PLEKHH2: variants seen among roughly 807,000 people sequenced by gnomAD.
PLEKHH2 encodes pleckstrin homology domain-containing family H member 2.
In PLEKHH2, 129 loss-of-function variants were observed where a neutral mutation model predicts 187.9. That is an observed-to-expected ratio of 0.69 (90% CI 0.59 to 0.79). The LOEUF is 0.79. PLEKHH2 is among the 30% of genes least tolerant of loss of function. The pLI is 0.00. For missense variants in PLEKHH2, 2,076 were observed against 1,751.2 expected (o/e 1.19, Z -3.31); for synonymous variants, 686 against 605.6 (o/e 1.13, Z -1.95).
chr2:43,717,714 G>C (rs982613505), intron 15 of PLEKHH2, among the ~76,000 whole-genome samples: 2 of 152,194 alleles, frequency 1.3e-5, no homozygotes, highest in Non-Finnish European at 2.9e-5. Context: ...ACAAGTCCTG[G>C]CTCTGCCACT....
In PLEKHH2 at chr2:43,765,586, C is replaced by G; in HGVS notation, c.4470C>G (p.Pro1490=). Residue 1490 remains proline (P), a synonymous_variant, in exon 30 of 30, where the codon CCC becomes CCG. Transcript: ENST00000282406. ...CAAGCAGCAGACCGACCAAAGGCCC[C>G]ACCTTACTCTGAAAGCTGGGGAGCC... ...LLSSSRPTKG[P]TLL 3 of 1,613,274 alleles carry G rather than the reference C, an allele frequency of 1.9e-6. No homozygotes were observed. In the South Asian group the frequency reaches 3.3e-5, roughly 18 times the overall value.
chr2:43,722,743 T>C (rs1670542883), intron 16 of PLEKHH2, among the ~76,000 whole-genome samples: 1 of 152,206 alleles, frequency 6.6e-6, no homozygotes, highest in African/African-American at 2.4e-5. Context: ...TTCTTTCTTT[T>C]TAAAATCCTT....
intron 24 of PLEKHH2, among the ~76,000 whole-genome samples, chr2:43,747,321 G>C (rs949436635): frequency 6.6e-6 from 1 of 152,008 alleles, no homozygotes; most frequent in Non-Finnish European, 1.5e-5. Flanking sequence ...TGAAGAGAGA[G>C]AGAGGTACTG....
At chr2:43,724,950 CACAG>C (rs530780693) in intron 16 of PLEKHH2, among the ~76,000 whole-genome samples, 667 of 152,318 alleles carry the variant, frequency 4.4e-3, no homozygotes, top group Non-Finnish European at 7.4e-3. Context: ...CATGGACACA[CACAG>C]ACAGAGTGAG....
chr2:43,753,486 C>T (rs1352528048), intron 24 of PLEKHH2, 133 bp from the exon 25 acceptor site: 2 of 578,762 alleles, frequency 3.5e-6, no homozygotes, highest in Middle Eastern at 5.2e-4. Flanking sequence ...AAGTCATTGA[C>T]AGTAGTAGTC....
At chr2:43,646,690 A>G (rs936809990) in intron 2 of PLEKHH2, among the ~76,000 whole-genome samples, 2 of 152,138 alleles carry the variant, frequency 1.3e-5, no homozygotes, top group Non-Finnish European at 2.9e-5. Flanking sequence ...TAAGTAAAAT[A>G]GCTTTTTTAT....
intron 17 of PLEKHH2, among the ~76,000 whole-genome samples, chr2:43,728,608 C>G (rs1240707747): frequency 6.9e-6 from 1 of 144,118 alleles, no homozygotes; most frequent in Non-Finnish European, 1.5e-5. Context: ...GTTGCCCAGG[C>G]TGGAGTGCAG....
intron 11 of PLEKHH2, among the ~76,000 whole-genome samples, chr2:43,709,717 C>T (rs1014850185): frequency 3.9e-5 from 6 of 152,102 alleles, no homozygotes; most frequent in Admixed American, 3.3e-4. Context: ...ACACCTGTAG[C>T]CCCAGCTACT....
intron 14 of PLEKHH2, chr2:43,711,987 C>CA: frequency 8.1e-7 from 1 of 1,235,252 alleles, no homozygotes; most frequent in Non-Finnish European, 1.0e-6. Context: ...ATCATAACCC[C>CA]AAAATTAGGT....
intron 8 of PLEKHH2, among the ~76,000 whole-genome samples, chr2:43,703,104 T>C (rs983523485): frequency 3.0e-4 from 45 of 152,206 alleles, no homozygotes; most frequent in Non-Finnish European, 5.3e-4. Flanking sequence ...ATGTCCCTGA[T>C]AGTCGGAGAA....
rs1670562874 is a variant in PLEKHH2 at position 43,723,093 on chromosome 2, GT to G, written c.2541+2345del. ...TGAATAACCATCTTTAAATATTAGGGTGGATGAAACCTAGATTTTCATATCA... is the reference window on the plus strand; with the variant it reads ...TGAATAACCATCTTTAAATATTAGGGGGATGAAACCTAGATTTTCATATCA... On this transcript the variant is annotated intron_variant, in intron 16 of 29. Transcript: ENST00000282406. 2.0e-5 allele frequency among the ~76,000 whole-genome samples: 3 copies of G among 152,246 alleles called. No homozygotes were observed. In the South Asian group the frequency reaches 6.2e-4, roughly 32 times the overall value.
intron 3 of PLEKHH2, among the ~76,000 whole-genome samples, chr2:43,682,278 T>C (rs1040689044): frequency 6.6e-6 from 1 of 152,206 alleles, no homozygotes; most frequent in Admixed American, 6.5e-5. Flanking sequence ...TGTGTTTTGT[T>C]CTTTAATCAA....
At position 43,678,853 on chromosome 2, in the gene PLEKHH2, C is replaced by G. The variant is rs775334139; in HGVS notation, c.124-10C>G. 3 of 1,576,302 alleles carry G rather than the reference C, an allele frequency of 1.9e-6. No individual in the cohort carries two copies. The highest frequency in any genetic ancestry group is 2.3e-5 in the East Asian group (1 of 44,308). Reference sequence around the variant, plus strand: ...AAATTTTTGTATTTATATTTTCCCTCACTCTACAGATGCAACAGCTTGAGA... The same window carrying G: ...AAATTTTTGTATTTATATTTTCCCTGACTCTACAGATGCAACAGCTTGAGA... On this transcript the variant is annotated splice_polypyrimidine_tract_variant and intron_variant, in intron 2 of 29. Transcript: ENST00000282406.
intron 27 of PLEKHH2, 108 bp downstream of exon 27, chr2:43,759,137 T>C: frequency 1.4e-6 from 2 of 1,401,438 alleles, no homozygotes; most frequent in Non-Finnish European, 1.9e-6. Flanking sequence ...TGAAGAAATA[T>C]CCAATAATGT....
chr2:43,742,969 C>T, intron 22 of PLEKHH2, 51 bp downstream of exon 22: 3 of 1,352,016 alleles, frequency 2.2e-6, no homozygotes, highest in Non-Finnish European at 2.9e-6. Flanking sequence ...TGTACAACCT[C>T]TGTTATAGGG....
chr2:43,675,677 C>T (rs766396407), intron 2 of PLEKHH2: 1 of 1,613,948 alleles, frequency 6.2e-7, no homozygotes, highest in Non-Finnish European at 8.5e-7. Context: ...TGCTTATCTT[C>T]AGATAACTTC....
At chr2:43,709,328 G>C (rs1669826231) in intron 11 of PLEKHH2, among the ~76,000 whole-genome samples, 1 of 152,130 alleles carries the variant, frequency 6.6e-6, no homozygotes, top group Admixed American at 6.5e-5. Context: ...GATTACAGAA[G>C]TTAAGAAATT....
At chr2:43,701,810 C>T (rs1428815557) in intron 8 of PLEKHH2, among the ~76,000 whole-genome samples, 3 of 150,060 alleles carry the variant, frequency 2.0e-5, no homozygotes, top group Non-Finnish European at 3.0e-5. Flanking sequence ...TCTTGTCTCC[C>T]GGGCTAGAGT....
chr2:43,735,298 A>T (rs1044302897), intron 19 of PLEKHH2, among the ~76,000 whole-genome samples: 3 of 152,236 alleles, frequency 2.0e-5, no homozygotes, highest in Admixed American at 1.3e-4. Context: ...GGAGAACATT[A>T]TATTAAGTAA....
Sources: gnomAD v4.1 joint callset for allele counts (sites outside exome capture counted in the v4.1 genomes callset) on GRCh38, gnomAD v4.1.1 for gene constraint, MANE v1.5 for transcripts, NCBI Gene and HGNC (gene_info 2026-07-23, HGNC 2026-07-21) for gene names.